BIRC6: variants seen among roughly 807,000 people sequenced by gnomAD.
The protein encoded by BIRC6 is dual E2 ubiquitin-conjugating enzyme/E3 ubiquitin-protein ligase BIRC6.
Under a neutral mutation model 503.3 loss-of-function variants are expected in BIRC6, and 98 were observed. The observed-to-expected ratio is 0.19, with a 90% CI of 0.17 to 0.23. BIRC6 has a LOEUF of 0.23. Among genes scored for constraint, BIRC6 ranks in the 10% least tolerant of loss-of-function variants. The probability of loss-of-function intolerance (pLI) is 1.00; values close to 1 mark genes in which losing one functional copy is unlikely to be tolerated. For missense variants in BIRC6, 5,360 were observed against 5,806.0 expected (o/e 0.92, Z 2.50); for synonymous variants, 2,240 against 2,078.7 (o/e 1.08, Z -2.11).
chr2:32,543,738 A>C (rs1293026281), intron 62 of BIRC6, among the ~76,000 whole-genome samples, 197 bp downstream of exon 62: 1 of 152,194 alleles, frequency 6.6e-6, no homozygotes, highest in Non-Finnish European at 1.5e-5. Context: ...GTGTTCATTC[A>C]AAAATTATTT....
At chr2:32,545,503 T>G in intron 62 of BIRC6, 140 bp from the exon 63 acceptor site, 1 of 695,822 alleles carries the variant, frequency 1.4e-6, no homozygotes, top group Non-Finnish European at 2.5e-6. Context: ...TACTGTTGTA[T>G]TTGTGGTATT....
chr2:32,534,272 G>A (rs1236555077), intron 61 of BIRC6, among the ~76,000 whole-genome samples: 1 of 151,134 alleles, frequency 6.6e-6, no homozygotes, highest in African/African-American at 2.4e-5. Flanking sequence ...CGTTCAGGAG[G>A]CTGAGGCAAG....
At chr2:32,539,638 CA>C (rs2057505155) in intron 61 of BIRC6, among the ~76,000 whole-genome samples, 2 of 152,054 alleles carry the variant, frequency 1.3e-5, no homozygotes, top group African/African-American at 4.8e-5. Context: ...ATAATGCCAA[CA>C]TGACATGGGA....
intron 69 of BIRC6, 46 bp from the exon 70 acceptor site, chr2:32,599,693 G>A (rs1445674937): frequency 6.4e-7 from 1 of 1,556,964 alleles, no homozygotes; most frequent in East Asian, 2.2e-5. Context: ...AAATATCAGT[G>A]TTTAGGAATG....
intron 26 of BIRC6, 128 bp from the exon 27 acceptor site, chr2:32,467,392 ATTTAC>A (rs2048673080): frequency 1.3e-6 from 1 of 741,116 alleles, no homozygotes; most frequent in African/African-American, 1.8e-5. Context: ...ATTTTTACAT[ATTTAC>A]TTTTCCTCTT....
intron 1 of BIRC6, among the ~76,000 whole-genome samples, chr2:32,365,691 A>C (rs543012328): frequency 6.6e-6 from 1 of 152,204 alleles, no homozygotes; most frequent in African/African-American, 2.4e-5. Context: ...TGTAGGTAAC[A>C]AGGTTAATTT....
intron 1 of BIRC6, among the ~76,000 whole-genome samples, chr2:32,377,203 C>G: frequency 6.9e-6 from 1 of 145,880 alleles, no homozygotes; most frequent in Non-Finnish European, 1.5e-5. Context: ...TTATTATTCC[C>G]TTAATATATA....
intron 26 of BIRC6, among the ~76,000 whole-genome samples, 157 bp from the exon 27 acceptor site, chr2:32,467,368 C>T (rs898109482): frequency 1.1e-4 from 16 of 152,184 alleles, no homozygotes; most frequent in African/African-American, 3.6e-4. Context: ...ATTTTTGAAT[C>T]AATTGACAAG....
rs761498168 is a variant in BIRC6, at chr2:32,508,065, C to T, written c.9786C>T (p.Leu3262=). 29 of 1,613,862 alleles carry T rather than the reference C, an allele frequency of 1.8e-5. No homozygotes were observed. The highest frequency in any genetic ancestry group is 2.2e-5 in the Non-Finnish European group (26 of 1,179,868). ...PLSTPVVTSG[L]TYIKIQLVKA... ...CCACTCCTGTTGTCACAAGTGGCCT[C>T]ACCTACATAAAAATTCAGCTTGTAA... Residue 3262 remains leucine, a synonymous_variant, in exon 51 of 74, where the codon CTC becomes CTT. Transcript: ENST00000421745.
At position 32,493,518 on chromosome 2, in the gene BIRC6, G is replaced by T. The variant is rs753911479; in HGVS notation, c.8341-22G>T. ...ACATGTTACCAGTAAGCAGTTTTCA[G>T]TGAATATACATTTCTCTTTAGGTTG... On this transcript the variant is annotated intron_variant, in intron 44 of 73. Coordinates refer to ENST00000421745, the MANE Select transcript of BIRC6 (RefSeq NM_016252.4). 5.7e-6 allele frequency: 9 copies of T among 1,574,676 alleles called. No homozygotes were observed. In the Admixed American group the frequency reaches 1.4e-4, roughly 24 times the overall value.
At chr2:32,482,759 A>G (rs907493353) in intron 39 of BIRC6, among the ~76,000 whole-genome samples, 177 bp downstream of exon 39, 2 of 152,228 alleles carry the variant, frequency 1.3e-5, no homozygotes, top group South Asian at 2.1e-4. Context: ...AGGAACTTCT[A>G]TCTTTTTGGT....
chr2:32,494,289 G>T (rs2052143037), intron 45 of BIRC6, among the ~76,000 whole-genome samples: 1 of 150,918 alleles, frequency 6.6e-6, no homozygotes, highest in South Asian at 2.1e-4. Flanking sequence ...GTGCACTGGT[G>T]CAGTCTTGGC....
chr2:32,427,179 A>T (rs192830962), intron 10 of BIRC6, among the ~76,000 whole-genome samples: 2,347 of 151,708 alleles, frequency 0.015, 134 homozygotes, highest in Admixed American at 0.12. Flanking sequence ...TTTGCCCATT[A>T]TTTTTTCAGG....
At chr2:32,436,574 TTTTG>T (rs879677117) in intron 15 of BIRC6, among the ~76,000 whole-genome samples, 53 of 152,096 alleles carry the variant, frequency 3.5e-4, no homozygotes, top group Non-Finnish European at 6.6e-4. Context: ...AAAAGAGGTA[TTTTG>T]TTTGTTTGTT....
chr2:32,453,174 T>G (rs2046894973), intron 22 of BIRC6, among the ~76,000 whole-genome samples: 1 of 152,194 alleles, frequency 6.6e-6, no homozygotes, highest in Non-Finnish European at 1.5e-5. Flanking sequence ...CTAGACTTCT[T>G]GCTGTGGTTT....
chr2:32,412,042 C>T (rs989703823), intron 9 of BIRC6, among the ~76,000 whole-genome samples: 1 of 151,886 alleles, frequency 6.6e-6, no homozygotes, highest in Non-Finnish European at 1.5e-5. Context: ...ACCTCAGCCT[C>T]CCAAATAGCT....
chr2:32,567,932 T>C (rs1271598641), intron 65 of BIRC6, among the ~76,000 whole-genome samples: 1 of 152,056 alleles, frequency 6.6e-6, no homozygotes, highest in Admixed American at 6.6e-5. Flanking sequence ...AAAACCCTTC[T>C]CTACTAAAAA....
At position 32,594,517 on chromosome 2, in the gene BIRC6, A is replaced by G. The variant is rs1004972515; in HGVS notation, c.13501+457A>G. Among the ~76,000 whole-genome samples, 3 of 152,192 alleles carry G rather than the reference A, an allele frequency of 2.0e-5. No individual in the cohort carries two copies. In the East Asian group the frequency reaches 5.8e-4, roughly 29 times the overall value. ...CAAGATCAGCTTGGGCAACATGGTGAAACCCCGTCTCTACGAAATACAGGA... is the reference window on the plus strand; with the variant it reads ...CAAGATCAGCTTGGGCAACATGGTGGAACCCCGTCTCTACGAAATACAGGA... On this transcript the variant is annotated intron_variant, in intron 67 of 73. Transcript: ENST00000421745.
intron 42 of BIRC6, among the ~76,000 whole-genome samples, chr2:32,489,030 AT>A (rs569640806): frequency 5.6e-4 from 81 of 144,966 alleles, no homozygotes; most frequent in African/African-American, 7.3e-4. Context: ...GTTTTTTATT[AT>A]TTTTTTTTTT....
Sources: gnomAD v4.1 joint callset for allele counts (sites outside exome capture counted in the v4.1 genomes callset) on GRCh38, gnomAD v4.1.1 for gene constraint, MANE v1.5 for transcripts, NCBI Gene and HGNC (gene_info 2026-07-23, HGNC 2026-07-21) for gene names.